ADGB: variants seen among roughly 807,000 people sequenced by gnomAD.
ADGB encodes the protein androglobin.
Under a neutral mutation model 210.5 loss-of-function variants are expected in ADGB, and 172 were observed. That is an observed-to-expected ratio of 0.82 (90% CI 0.72 to 0.93). The LOEUF (loss-of-function observed/expected upper bound fraction) is 0.93, where lower values mean the gene tolerates loss of function less well. ADGB is among the 40% of genes least tolerant of loss of function. The pLI, the probability that ADGB is intolerant of heterozygous loss-of-function variation, is 0.00. For missense variants in ADGB, 2,025 were observed against 1,964.8 expected (o/e 1.03, Z -0.58); for synonymous variants, 658 against 662.7 (o/e 0.99, Z 0.11).
At chr6:146,710,581 C>T (rs1322745132) in intron 13 of ADGB, among the ~76,000 whole-genome samples, 1 of 151,976 alleles carries the variant, frequency 6.6e-6, no homozygotes, top group African/African-American at 2.4e-5. Context: ...GTATAAGATA[C>T]TCTGGAGGGC....
chr6:146,640,867 C>T (rs1775501729), intron 2 of ADGB, among the ~76,000 whole-genome samples: 2 of 151,988 alleles, frequency 1.3e-5, no homozygotes, highest in South Asian at 4.1e-4. Context: ...CAAGGATGCC[C>T]TCTCTCACCA....
intron 1 of ADGB, among the ~76,000 whole-genome samples, chr6:146,601,873 C>T (rs1280134379): frequency 6.6e-6 from 1 of 152,180 alleles, no homozygotes; most frequent in Non-Finnish European, 1.5e-5. Flanking sequence ...ACTAAATGAG[C>T]TCATAGTTTT....
chr6:146,709,359 C>A (rs1392773475), intron 13 of ADGB, among the ~76,000 whole-genome samples: 1 of 152,148 alleles, frequency 6.6e-6, no homozygotes, highest in Non-Finnish European at 1.5e-5. Flanking sequence ...TGCAGACTGG[C>A]CTTGTCTGGG....
chr6:146,780,995 GT>G (rs1777790175), intron 29 of ADGB, among the ~76,000 whole-genome samples: 1 of 151,928 alleles, frequency 6.6e-6, no homozygotes, highest in Non-Finnish European at 1.5e-5. Context: ...ATACAAATAT[GT>G]TTTCAGGTCA....
intron 29 of ADGB, 77 bp from the exon 30 acceptor site, chr6:146,781,943 T>C (rs1777806340): frequency 6.5e-6 from 7 of 1,069,044 alleles, no homozygotes; most frequent in Non-Finnish European, 8.7e-6. Context: ...TGTCCCTGAG[T>C]TGATTCCCTT....
intron 12 of ADGB, among the ~76,000 whole-genome samples, chr6:146,694,153 G>A (rs962102082): frequency 1.3e-4 from 20 of 151,992 alleles, no homozygotes; most frequent in Non-Finnish European, 2.2e-4. Flanking sequence ...CCACATTTTA[G>A]GTAGTTACCA....
chr6:146,612,062 T>C (rs1321765885), intron 1 of ADGB, among the ~76,000 whole-genome samples: 1 of 152,052 alleles, frequency 6.6e-6, no homozygotes, highest in Non-Finnish European at 1.5e-5. Flanking sequence ...TTGTCTCTCA[T>C]AAGGATTCAG....
chr6:146,749,241 T>C (rs992866539), intron 26 of ADGB, among the ~76,000 whole-genome samples: 1 of 152,192 alleles, frequency 6.6e-6, no homozygotes, highest in Non-Finnish European at 1.5e-5. Context: ...TGATTCCTTT[T>C]TAGTTTTTAA....
At chr6:146,807,472 CT>C in intron 35 of ADGB, 2 of 1,551,644 alleles carry the variant, frequency 1.3e-6, no homozygotes, top group Non-Finnish European at 1.7e-6. Context: ...TTGCTGGAAG[CT>C]GAGCACCTAA....
At chr6:146,676,223 G>C (rs1026532470) in intron 8 of ADGB, 90 bp from the exon 9 acceptor site, 1 of 1,141,378 alleles carries the variant, frequency 8.8e-7, no homozygotes. Context: ...CTATTATTTT[G>C]GCCTTTTTTC....
chr6:146,795,521 C>T (rs747480830), intron 33 of ADGB, among the ~76,000 whole-genome samples: 3 of 152,056 alleles, frequency 2.0e-5, no homozygotes, highest in Non-Finnish European at 2.9e-5. Context: ...CTAAAGAAGA[C>T]ATACATGCAG....
intron 16 of ADGB, among the ~76,000 whole-genome samples, chr6:146,718,135 G>C (rs1012875557): frequency 2.0e-4 from 31 of 152,108 alleles, no homozygotes; most frequent in African/African-American, 7.2e-4. Context: ...TCTGGGTTAA[G>C]AGTCTCAGCT....
At chr6:146,775,261 T>C (rs546837884) in intron 29 of ADGB, among the ~76,000 whole-genome samples, 1 of 152,230 alleles carries the variant, frequency 6.6e-6, no homozygotes, top group Non-Finnish European at 1.5e-5. Context: ...TTTGTGGGGT[T>C]TTTTTCAAAA....
chr6:146,654,868 AT>A (rs1212635044), intron 4 of ADGB, among the ~76,000 whole-genome samples: 2 of 152,142 alleles, frequency 1.3e-5, no homozygotes, highest in African/African-American at 4.8e-5. Context: ...ATACAATACA[AT>A]ATTGTTAACT....
chr6:146,799,218 G>A (rs1778087990), intron 33 of ADGB, among the ~76,000 whole-genome samples: 1 of 151,970 alleles, frequency 6.6e-6, no homozygotes, highest in Admixed American at 6.6e-5. Flanking sequence ...ACTAAAATCA[G>A]GAGCAAGCCA....
chr6:146,600,330 T>C, intron 1 of ADGB: 1 of 263,650 alleles, frequency 3.8e-6, no homozygotes, highest in Admixed American at 3.7e-5. Flanking sequence ...TCCATTCCTC[T>C]AGGTCCAAGG....
chr6:146,625,770 G>C (rs906604923), intron 1 of ADGB, among the ~76,000 whole-genome samples: 1 of 151,972 alleles, frequency 6.6e-6, no homozygotes, highest in African/African-American at 2.4e-5. Context: ...CCATTAACCA[G>C]TTAAACCTCT....
Position 146,701,070 on chromosome 6 carries a change from G to T in ADGB, c.1707G>T (p.Gln569His), listed in dbSNP as rs2114544607. The T allele has an allele frequency of 6.5e-7, 1 of 1,549,892 alleles. No homozygotes were observed. Among genetic ancestry groups the T allele is most frequent in the Non-Finnish European group, 8.7e-7 (1 of 1,146,160 alleles). Residue 569 changes from glutamine (Q) to histidine (H), a missense_variant and splice_region_variant, in exon 13 of 36, where the codon CAG (glutamine) becomes CAT (histidine). Transcript: ENST00000397944. ...GTCAAATAACAAAAGCTACATCTCAGGTGACTATGTTACTCTTACTGTTGG... is the reference window on the plus strand; with the variant it reads ...GTCAAATAACAAAAGCTACATCTCATGTGACTATGTTACTCTTACTGTTGG... ...DLSQITKATSQGNTASQVILG... is the reference protein window; with the variant it reads ...DLSQITKATSHGNTASQVILG...
chr6:146,720,867 G>A (rs1447568196), intron 16 of ADGB, among the ~76,000 whole-genome samples: 4 of 152,162 alleles, frequency 2.6e-5, no homozygotes. Flanking sequence ...TCAACGTGTG[G>A]GGATTACAAT....
Sources: gnomAD v4.1 joint callset for allele counts (sites outside exome capture counted in the v4.1 genomes callset) on GRCh38, gnomAD v4.1.1 for gene constraint, MANE v1.5 for transcripts, NCBI Gene and HGNC (gene_info 2026-07-23, HGNC 2026-07-21) for gene names.